Variants in SHANK2 observed in about 807,000 individuals in gnomAD.
The protein encoded by SHANK2 is SH3 and multiple ankyrin repeat domains 2, also known as SH3 and multiple ankyrin repeat domains protein 2.
SHANK2 carries 43 observed loss-of-function variants against 133.7 expected under a neutral mutation model. The observed-to-expected ratio is 0.32, with a 90% confidence interval of 0.25 to 0.41. SHANK2 has a LOEUF of 0.41. SHANK2 is among the 10% of genes least tolerant of loss of function. The pLI, the probability that SHANK2 is intolerant of heterozygous loss-of-function variation, is 1.00. For missense variants in SHANK2, 1,994 were observed against 2,235.8 expected (o/e 0.89, Z 2.18); for synonymous variants, 1,017 against 952.8 (o/e 1.07, Z -1.24).
intron 17 of SHANK2, among the ~76,000 whole-genome samples, chr11:70,607,927 C>T (rs1249698696): frequency 3.3e-5 from 5 of 152,212 alleles, no homozygotes; most frequent in Non-Finnish European, 2.9e-5. Flanking sequence ...CCAGCTCCAT[C>T]CTTGCGTTCC....
chr11:70,487,228 C>A lies in SHANK2; in HGVS notation c.3065G>T (p.Ser1022Ile). 6.2e-7 allele frequency: 1 copy of A among 1,614,122 alleles called. No individual in the cohort carries two copies. The highest frequency in any genetic ancestry group is 8.5e-7 in the Non-Finnish European group (1 of 1,180,042). The change falls in exon 25 of 26, where the codon AGC (serine) becomes ATC (isoleucine). Residue 1022 changes from serine to isoleucine, a missense_variant. Coordinates refer to ENST00000601538, the MANE Select transcript of SHANK2 (RefSeq NM_012309.5). The surrounding 1 kb of genome is among the most constrained non-coding windows in gnomAD (Gnocchi z 5.8). Reference sequence around the variant, plus strand: ...AGGGATGGAGCACGTCTTCTCGGGGCTGTCCTCCACGTTGGACTGCTTCAC... The same window carrying A: ...AGGGATGGAGCACGTCTTCTCGGGGATGTCCTCCACGTTGGACTGCTTCAC... ...MLVKQSNVED[S>I]PEKTCSIPIP...
intron 3 of SHANK2, among the ~76,000 whole-genome samples, chr11:71,139,672 G>A (rs2135375828): frequency 6.6e-6 from 1 of 152,304 alleles, no homozygotes; most frequent in African/African-American, 2.4e-5. Flanking sequence ...AATGTCCAGA[G>A]CCAGCACTCC....
intron 14 of SHANK2, among the ~76,000 whole-genome samples, chr11:70,717,657 G>A (rs934919905): frequency 2.0e-5 from 3 of 152,066 alleles, no homozygotes; most frequent in Admixed American, 1.3e-4. Flanking sequence ...AGCCCACAGC[G>A]TACCTCCAAA....
intron 3 of SHANK2, among the ~76,000 whole-genome samples, chr11:71,138,790 CAAAAAAA>C (rs58396625): frequency 3.6e-5 from 3 of 82,954 alleles, no homozygotes; most frequent in African/African-American, 1.3e-4. Context: ...GACCCTATCT[CAAAAAAA>C]AAAAAAAAAA....
chr11:71,092,346 T>G, intron 8 of SHANK2, 76 bp downstream of exon 8: 1 of 1,512,822 alleles, frequency 6.6e-7, no homozygotes, highest in Non-Finnish European at 9.0e-7. Flanking sequence ...TGGGCCACCC[T>G]GCTTATCTGC....
At chr11:70,687,959 T>G (rs1945192533) in intron 15 of SHANK2, among the ~76,000 whole-genome samples, 1 of 152,194 alleles carries the variant, frequency 6.6e-6, no homozygotes. Context: ...CTGAGGCTGC[T>G]CTGAGCCAGG....
intron 6 of SHANK2, among the ~76,000 whole-genome samples, chr11:71,104,183 T>C (rs543423274): frequency 6.6e-6 from 1 of 152,148 alleles, no homozygotes; most frequent in African/African-American, 2.4e-5. Flanking sequence ...GGCACCACCG[T>C]AGGTGTTATC....
chr11:71,124,977 G>A (rs1473783291), intron 3 of SHANK2, among the ~76,000 whole-genome samples: 1 of 152,124 alleles, frequency 6.6e-6, no homozygotes. Flanking sequence ...AGGATGATCT[G>A]TGGTCAGTGA....
At chr11:71,249,832 C>T (rs1948148179) in intron 1 of SHANK2, among the ~76,000 whole-genome samples, 1 of 152,144 alleles carries the variant, frequency 6.6e-6, no homozygotes, top group Non-Finnish European at 1.5e-5. Context: ...TTTTCTCTCC[C>T]ATCCTTTTCC....
intron 10 of SHANK2, among the ~76,000 whole-genome samples, chr11:70,944,206 C>T (rs1209859314): frequency 4.6e-5 from 7 of 152,268 alleles, no homozygotes; most frequent in Non-Finnish European, 1.0e-4. Flanking sequence ...GAGCGCAGGT[C>T]TATTCCTGTA....
rs191876173 is a variant in SHANK2, at chr11:70,882,555, C to A, written c.1174+13946G>T. ...ACATGTGACCTTGTCATTAATAGGT[C>A]ACAGAACAGGAGCAGGGGCCAGCTG... is the stretch of plus-strand genomic sequence containing the variant. On this transcript the variant is annotated intron_variant, in intron 11 of 25. Coordinates refer to ENST00000601538, the MANE Select transcript of SHANK2 (RefSeq NM_012309.5). The surrounding 1 kb of genome is among the most constrained non-coding windows in gnomAD (Gnocchi z 4.2). 3.5e-4 allele frequency among the ~76,000 whole-genome samples: 54 copies of A among 152,262 alleles called. No homozygotes were observed. Among genetic ancestry groups the A allele is most frequent in the Non-Finnish European group, 7.1e-4 (48 of 68,018 alleles).
At chr11:70,616,010 C>T (rs2060736608) in intron 17 of SHANK2, among the ~76,000 whole-genome samples, 1 of 152,064 alleles carries the variant, frequency 6.6e-6, no homozygotes, top group Non-Finnish European at 1.5e-5. Context: ...AGCGTGGATG[C>T]CGAGACCAGA....
intron 17 of SHANK2, among the ~76,000 whole-genome samples, chr11:70,557,383 C>T (rs782460750): frequency 3.9e-5 from 6 of 152,106 alleles, no homozygotes; most frequent in African/African-American, 7.2e-5. Flanking sequence ...TGCTGCTAAC[C>T]ACCACCTCCT....
chr11:71,130,031 C>T lies in SHANK2; in HGVS notation c.208-10999G>A, dbSNP rs550302579. Among the ~76,000 whole-genome samples, 54 of 152,292 alleles carry T rather than the reference C, an allele frequency of 3.5e-4. 1 individual carries two copies. The South Asian group carries it at 9.7e-3, about 27-fold the overall frequency. On this transcript the variant is annotated intron_variant, in intron 3 of 25. Transcript: ENST00000601538. The stretch of plus-strand genomic sequence containing the variant: ...GTGGTTGTCCCTCTGTGTGTGTCTG[C>T]GTCCTCACCTCCTCTTCTCATAAGG...
intron 13 of SHANK2, among the ~76,000 whole-genome samples, chr11:70,802,632 A>C (rs1948071074): frequency 6.6e-6 from 1 of 152,164 alleles, no homozygotes; most frequent in African/African-American, 2.4e-5. Flanking sequence ...CACAGGACTT[A>C]CTTGGGTCAA....
chr11:70,909,418 A>G (rs1456837810), intron 10 of SHANK2, among the ~76,000 whole-genome samples: 3 of 152,138 alleles, frequency 2.0e-5, no homozygotes, highest in African/African-American at 7.2e-5. Context: ...CTGTGCTGTA[A>G]TGATGAGGAG....
intron 14 of SHANK2, among the ~76,000 whole-genome samples, chr11:70,775,323 G>A (rs1490384591): frequency 1.3e-5 from 2 of 152,152 alleles, no homozygotes; most frequent in African/African-American, 4.8e-5. Context: ...GGGGGCATTG[G>A]CACGTGTTTG....
intron 11 of SHANK2, among the ~76,000 whole-genome samples, chr11:70,828,618 A>T (rs1158162978): frequency 6.6e-6 from 1 of 152,200 alleles, no homozygotes; most frequent in African/African-American, 2.4e-5. Flanking sequence ...TGGACCAGCC[A>T]GGGGGGCCAG....
chr11:70,685,271 C>G (rs370699480), intron 15 of SHANK2, among the ~76,000 whole-genome samples: 1 of 152,210 alleles, frequency 6.6e-6, no homozygotes, highest in Admixed American at 6.5e-5. Context: ...TTCCACCCTC[C>G]TCCTGCCGCC....
Sources: gnomAD v4.1 joint callset for allele counts (sites outside exome capture counted in the v4.1 genomes callset) on GRCh38, gnomAD v4.1.1 for gene constraint, Gnocchi (gnomAD v3.1) non-coding constraint, MANE v1.5 for transcripts, NCBI Gene and HGNC (gene_info 2026-07-23, HGNC 2026-07-21) for gene names.